Variants in CASK observed in about 807,000 individuals in gnomAD.
CASK encodes peripheral plasma membrane protein CASK.
Under a neutral mutation model 82.9 loss-of-function variants are expected in CASK, and 4 were observed. The ratio of observed to expected loss-of-function variants is 0.05; its 90% CI spans 0.02 to 0.11. The LOEUF is 0.11. Among genes scored for constraint, CASK ranks in the 10% least tolerant of loss-of-function variants. The pLI is 1.00. For synonymous variants in CASK, 259 were observed against 253.5 expected, an observed-to-expected ratio of 1.02 and a Z score of -0.20; for missense variants, 358 against 720.9, an observed-to-expected ratio of 0.50 and a Z score of 5.76.
intron 5 of CASK, among the ~76,000 whole-genome samples, chrX:41,707,328 C>A (rs956847371): frequency 7.1e-5 from 8 of 112,075 alleles, no homozygotes; most frequent in African/African-American, 2.6e-4. Context: ...AGGGGCACAG[C>A]CTGCTCAACT....
rs12690048 is a variant in CASK at position 41,631,989 on chromosome X, G to A, written c.915+4589C>T. On this transcript the variant is annotated intron_variant, in intron 9 of 26. Coordinates refer to ENST00000378163, the MANE Select transcript of CASK (RefSeq NM_001367721.1). The stretch of plus-strand genomic sequence containing the variant: ...TCTGTCACTCAGGCTGGAGTGCAGT[G>A]GTGTGATCACAGCTCACTGCAGCCT... 8.2e-3 allele frequency among the ~76,000 whole-genome samples: 906 copies of A among 110,768 alleles called. 19 individuals carry two copies. Among genetic ancestry groups the A allele is most frequent in the East Asian group, 0.072 (251 of 3,480 alleles).
At chrX:41,845,661 A>G (rs2071139658) in intron 2 of CASK, among the ~76,000 whole-genome samples, 1 of 111,595 alleles carries the variant, frequency 9.0e-6, no homozygotes, top group African/African-American at 3.3e-5. Context: ...CCTGTTTTTC[A>G]TCCATGTTGC....
intron 3 of CASK, among the ~76,000 whole-genome samples, chrX:41,746,504 C>T (rs911371105): frequency 7.2e-5 from 8 of 110,739 alleles, no homozygotes; most frequent in Non-Finnish European, 1.5e-4. Flanking sequence ...CACATACAAA[C>T]ACCTCCCCCT....
At chrX:41,555,566 T>G in intron 20 of CASK, 34 bp downstream of exon 20, 1 of 1,114,800 alleles carries the variant, frequency 9.0e-7, no homozygotes. Context: ...AGCTGCTCAG[T>G]TTAGAGAAGT....
intron 5 of CASK, among the ~76,000 whole-genome samples, chrX:41,674,958 T>TA (rs1176911986): frequency 3.6e-4 from 38 of 104,406 alleles, no homozygotes; most frequent in South Asian, 8.1e-4. Flanking sequence ...GCAAAAAACC[T>TA]AAAAAAAAAA....
chrX:41,867,973 T>C (rs2071621154), intron 1 of CASK, among the ~76,000 whole-genome samples: 1 of 112,371 alleles, frequency 8.9e-6, no homozygotes, highest in African/African-American at 3.2e-5. Flanking sequence ...AAACTACTTA[T>C]ATTATCCACA....
At chrX:41,601,352 C>T (rs763525454) in intron 12 of CASK, among the ~76,000 whole-genome samples, 12 of 111,747 alleles carry the variant, frequency 1.1e-4, no homozygotes, top group African/African-American at 3.9e-4. Flanking sequence ...CAAATATGTA[C>T]TTGAATGTAG....
In CASK at chrX:41,626,695, T is replaced by C. The variant is rs1278504545; in HGVS notation, c.924A>G (p.Val308=). ...FNARRKLKGA[V]LAAVSSHKFN... ...ATTTGTGACTTGACACAGCGGCTAG[T>C]ACTGCACCCTAAAACAAAGAGATGA... Residue 308 remains valine (V), a synonymous_variant, in exon 10 of 27, where the codon GTA becomes GTG. Transcript: ENST00000378163. The C allele has an allele frequency of 4.3e-6, 5 of 1,152,428 alleles. No homozygotes were observed. The Admixed American group carries it at 8.7e-5, about 20-fold the overall frequency. 95.0% of individuals were successfully genotyped at this position (1,152,428 alleles called of 1,213,427 possible).
intron 3 of CASK, among the ~76,000 whole-genome samples, chrX:41,763,009 G>A (rs768653027): frequency 4.5e-5 from 5 of 110,965 alleles, no homozygotes; most frequent in Non-Finnish European, 9.4e-5. Flanking sequence ...TCAAAAGAAG[G>A]TTATCTATAG....
chrX:41,605,827 C>A (rs761093964), intron 12 of CASK, among the ~76,000 whole-genome samples: 1 of 110,624 alleles, frequency 9.0e-6, no homozygotes, highest in Admixed American at 9.6e-5. Context: ...TACAGGCATG[C>A]GCCACCATGC....
chrX:41,655,148 C>A (rs1379005661), intron 8 of CASK, among the ~76,000 whole-genome samples: 1 of 111,070 alleles, frequency 9.0e-6, no homozygotes, highest in African/African-American at 3.3e-5. Flanking sequence ...ACTTCCCCTA[C>A]CCAGTATTGT....
intron 3 of CASK, among the ~76,000 whole-genome samples, chrX:41,760,068 G>A (rs1478212717): frequency 1.8e-5 from 2 of 111,761 alleles, no homozygotes; most frequent in African/African-American, 3.3e-5. Context: ...ATTCTAAGAC[G>A]ACCTCTGGAT....
chrX:41,823,035 G>A (rs1474601174), intron 2 of CASK, among the ~76,000 whole-genome samples: 2 of 78,660 alleles, frequency 2.5e-5, no homozygotes, highest in African/African-American at 9.9e-5. Context: ...AGCCTCAGCG[G>A]GGGTGGGGGG....
At chrX:41,679,120 G>A (rs2067312216) in intron 5 of CASK, among the ~76,000 whole-genome samples, 1 of 110,972 alleles carries the variant, frequency 9.0e-6, no homozygotes, top group African/African-American at 3.3e-5. Flanking sequence ...AAAAAATAAA[G>A]TTATGCTTAA....
intron 10 of CASK, among the ~76,000 whole-genome samples, chrX:41,625,342 C>T (rs2066350469): frequency 9.2e-6 from 1 of 109,242 alleles, no homozygotes; most frequent in Non-Finnish European, 1.9e-5. Context: ...CCCACCACCA[C>T]GCCCGGCTAA....
chrX:41,586,783 T>G (rs1182402339), intron 14 of CASK, 124 bp downstream of exon 14: 1 of 493,363 alleles, frequency 2.0e-6, no homozygotes, highest in Non-Finnish European at 3.6e-6. Flanking sequence ...ATTGTAATCT[T>G]AATAGTCTCA....
In CASK at chrX:41,611,490, G is replaced by C. The variant is rs1437700625; in HGVS notation, c.1034-1465C>G. Among the ~76,000 whole-genome samples the C allele has an allele frequency of 2.7e-5, 3 of 111,682 alleles. No homozygotes were observed. In the East Asian group the frequency reaches 8.4e-4, roughly 31 times the overall value. ...AATAAATCTAATAGAGGATGATTAC[G>C]TAGGTTATAGAATATCCATATAATG... On this transcript the variant is annotated intron_variant, in intron 11 of 26. Transcript: ENST00000378163.
At chrX:41,893,254 C>T (rs1190400973) in intron 1 of CASK, among the ~76,000 whole-genome samples, 1 of 111,812 alleles carries the variant, frequency 8.9e-6, no homozygotes, top group African/African-American at 3.3e-5. Flanking sequence ...GGCCTTGTAG[C>T]TTTGTGGACA....
chrX:41,692,106 G>A (rs961808385), intron 5 of CASK, among the ~76,000 whole-genome samples: 1 of 111,470 alleles, frequency 9.0e-6, no homozygotes, highest in Non-Finnish European at 1.9e-5. Context: ...ACCTCACAGA[G>A]TATTGCAAGA....
Sources: allele counts gnomAD v4.1 joint callset (sites outside exome capture counted in the v4.1 genomes callset), GRCh38; gene constraint gnomAD v4.1.1; transcripts MANE v1.5; gene names NCBI Gene and HGNC (gene_info 2026-07-23, HGNC 2026-07-21).